The following ACTN1 variants were observed in gnomAD, a reference collection of about 807,000 sequenced individuals.
ACTN1 encodes actinin alpha 1, also known as alpha-actinin-1.
ACTN1 carries 30 observed loss-of-function variants against 119.6 expected under a neutral mutation model. That is an observed-to-expected ratio of 0.25 (90% confidence interval 0.19 to 0.34). The LOEUF (loss-of-function observed/expected upper bound fraction) is 0.34. ACTN1 is among the 10% of genes least tolerant of loss of function. The pLI, the probability that ACTN1 is intolerant of heterozygous loss-of-function variation, is 1.00. For missense variants in ACTN1, 764 were observed against 1,223.4 expected (o/e 0.62, Z 5.60); for synonymous variants, 429 against 472.6 (o/e 0.91, Z 1.20).
At chr14:68,928,489 C>A (rs1050911181) in intron 1 of ACTN1, among the ~76,000 whole-genome samples, 1 of 152,040 alleles carries the variant, frequency 6.6e-6, no homozygotes. Context: ...TGGCTGTGAC[C>A]CGGTGATCAA....
intron 9 of ACTN1, among the ~76,000 whole-genome samples, 159 bp downstream of exon 9, chr14:68,893,496 G>C (rs563382428): frequency 6.6e-6 from 1 of 152,286 alleles, no homozygotes; most frequent in East Asian, 1.9e-4. Flanking sequence ...ACTACTTTCT[G>C]GGAGAGCCAC....
chr14:68,905,595 A>G (rs1022258995), intron 6 of ACTN1, among the ~76,000 whole-genome samples: 1 of 152,238 alleles, frequency 6.6e-6, no homozygotes, highest in African/African-American at 2.4e-5. Flanking sequence ...GTGGTGATAC[A>G]TACAATGGAA....
chr14:68,881,867 C>T (rs2031541217), intron 16 of ACTN1, among the ~76,000 whole-genome samples: 1 of 150,908 alleles, frequency 6.6e-6, no homozygotes, highest in Non-Finnish European at 1.5e-5. Flanking sequence ...CAACAAGAGA[C>T]ATCAAGGGGA....
At chr14:68,930,589 A>T (rs2035179863) in intron 1 of ACTN1, among the ~76,000 whole-genome samples, 1 of 152,134 alleles carries the variant, frequency 6.6e-6, no homozygotes, top group African/African-American at 2.4e-5. Context: ...CACTCGGATC[A>T]CTCTGCAGAA....
intron 1 of ACTN1, chr14:68,973,808 T>G (rs2036972935): frequency 6.6e-6 from 1 of 152,082 alleles, no homozygotes; most frequent in Non-Finnish European, 1.5e-5. Flanking sequence ...CTAAATTGAA[T>G]CCTGAGTCCT....
chr14:68,974,101 G>A (rs1042494718), intron 1 of ACTN1: 3 of 152,766 alleles, frequency 2.0e-5, no homozygotes, highest in Admixed American at 2.0e-4. Context: ...TCCATACCAA[G>A]TCCAGGAAAA....
intron 1 of ACTN1, among the ~76,000 whole-genome samples, chr14:68,932,513 CTTTTTTTTT>C (rs753725900): frequency 1.1e-5 from 1 of 87,302 alleles, no homozygotes; most frequent in Non-Finnish European, 2.1e-5. Context: ...ATACACCCAG[CTTTTTTTTT>C]TTTTTTTTTT....
chr14:68,901,556 A>AT (rs1043239297), intron 8 of ACTN1, among the ~76,000 whole-genome samples: 4 of 152,096 alleles, frequency 2.6e-5, no homozygotes, highest in Non-Finnish European at 4.4e-5. Flanking sequence ...CTCATCATGC[A>AT]TTTTAAAACG....
intron 11 of ACTN1, among the ~76,000 whole-genome samples, chr14:68,889,829 G>A (rs946517283): frequency 6.6e-6 from 1 of 152,004 alleles, no homozygotes; most frequent in Non-Finnish European, 1.5e-5. Context: ...AACACTCGGG[G>A]TAGAGGATTT....
In ACTN1 at chr14:68,878,325, TG is replaced by T; in HGVS notation, c.2427+132del. 7.6e-7 allele frequency: 1 copy of T among 1,319,736 alleles called. No individual in the cohort carries two copies. Among genetic ancestry groups the T allele is most frequent in the Non-Finnish European group, 1.0e-6 (1 of 991,316 alleles). 81.8% of individuals were successfully genotyped at this position (1,319,736 alleles called of 1,614,324 possible). A position where few individuals can be genotyped will look rare whatever the true frequency, so the allele number is the denominator to read the frequency against. ...CAGGGAGCCATCTTCCCCAAGGACA[TG>T]GGCCCTGGGGCTCCTCCAGGGAGGG... On this transcript the variant is annotated intron_variant, in intron 20 of 21. Transcript: ENST00000394419. This position sits in a 1 kb window ranked among gnomAD's most constrained non-coding sequence, Gnocchi z 4.4.
At position 68,888,103 on chromosome 14, in the gene ACTN1, G is replaced by A. The variant is rs578001203; in HGVS notation, c.1234+2036C>T. On this transcript the variant is annotated intron_variant, in intron 11 of 21. Coordinates refer to ENST00000394419, the MANE Select transcript of ACTN1 (RefSeq NM_001130004.2). ...TGGGCATCCTGGCGGCAGGGAGGGC[G>A]CGTGCCAGGTGTCTGCGGGCCGCGG... 7.4e-4 allele frequency: 484 copies of A among 654,794 alleles called. 9 individuals are homozygous for A. Among genetic ancestry groups the A allele is most frequent in the South Asian group, 6.9e-3 (452 of 65,684 alleles). 40.6% of individuals were successfully genotyped at this position (654,794 alleles called of 1,614,324 possible).
intron 3 of ACTN1, 105 bp downstream of exon 3, chr14:68,920,901 G>T: frequency 2.0e-6 from 3 of 1,467,562 alleles, no homozygotes; most frequent in Non-Finnish European, 2.8e-6. Context: ...ACTGCCCAAT[G>T]CCCCCAAGTG....
intron 8 of ACTN1, among the ~76,000 whole-genome samples, chr14:68,901,130 G>A (rs999298632): frequency 2.0e-5 from 3 of 151,572 alleles, no homozygotes; most frequent in East Asian, 3.9e-4. Flanking sequence ...GAGGTGAGCA[G>A]AGTCTGAGGC....
rs1002058242 is a variant in ACTN1, at chr14:68,909,533, A to G, written c.516-137T>C. 2.7e-5 allele frequency: 20 copies of G among 754,348 alleles called. No homozygotes were observed. The highest frequency in any genetic ancestry group is 4.5e-5 in the Non-Finnish European group (20 of 449,408). The allele number at this position is 754,348 out of a possible 1,614,324, so 46.7% of individuals were successfully genotyped here. On this transcript the variant is annotated intron_variant, in intron 5 of 21. Transcript: ENST00000394419. This position sits in a 1 kb window ranked among gnomAD's most constrained non-coding sequence, Gnocchi z 4.1. ...TCTGGGGTAGGAGTTAGAAGACAGG[A>G]TGGGAAGGGACATTTCTTCCTGCCA... is the stretch of plus-strand genomic sequence containing the variant.
chr14:68,885,352 C>T lies in ACTN1; in HGVS notation c.1385+73G>A, dbSNP rs181467. On this transcript the variant is annotated intron_variant, in intron 12 of 21. Transcript: ENST00000394419. This position sits in a 1 kb window ranked among gnomAD's most constrained non-coding sequence, Gnocchi z 5.6. ...TCCCCATCTTCCACGGCCACACCCC[C>T]ACCTCCCCCAGCAGCTGAGAAAGCC... 1.7e-3 allele frequency: 2,609 copies of T among 1,523,108 alleles called. 33 individuals are homozygous for T. In the African/African-American group the frequency reaches 0.031, roughly 18 times the overall value. The allele number at this position is 1,523,108 out of a possible 1,614,324, so 94.3% of individuals were successfully genotyped here.
At chr14:68,958,795 G>C (rs570582472) in intron 1 of ACTN1, among the ~76,000 whole-genome samples, 32 of 152,306 alleles carry the variant, frequency 2.1e-4, no homozygotes, top group African/African-American at 7.2e-4. Context: ...AGCTGGTAAG[G>C]GGGACTTGCC....
intron 1 of ACTN1, among the ~76,000 whole-genome samples, chr14:68,958,045 G>A (rs551212294): frequency 2.2e-4 from 34 of 152,284 alleles, no homozygotes; most frequent in African/African-American, 7.2e-4. Context: ...ACACCGAAGC[G>A]CATCAGCCCG....
In ACTN1 at chr14:68,882,801, A is replaced by C; in HGVS notation, c.1818+72T>G. 6.4e-7 allele frequency: 1 copy of C among 1,567,414 alleles called. No homozygotes were observed. The highest frequency in any genetic ancestry group is 2.3e-5 in the East Asian group (1 of 44,272). The stretch of plus-strand genomic sequence containing the variant: ...ACAATTTTAAATGAAATTGACAAAA[A>C]TCAATTAAAATGGACAAAAATCCCT... On this transcript the variant is annotated intron_variant, in intron 15 of 21. Transcript: ENST00000394419. The surrounding 1 kb of genome is among the most constrained non-coding windows in gnomAD (Gnocchi z 4.5).
rs778164971 is a variant in ACTN1 at position 68,885,671 on chromosome 14, G to A, written c.1235-96C>T. 281 of 1,414,072 alleles carry A rather than the reference G, an allele frequency of 2.0e-4. 1 individual carries two copies. The highest frequency in any genetic ancestry group is 2.6e-4 in the Non-Finnish European group (267 of 1,046,440). 87.6% of individuals were successfully genotyped at this position (1,414,072 alleles called of 1,614,324 possible). A position where few individuals can be genotyped will look rare whatever the true frequency, so the allele number is the denominator to read the frequency against. ...TCAGGGCCCCAGGAGCTCCACTTCT[G>A]GGGGTGCTTCTCAAGGAGGTGCCCA... On this transcript the variant is annotated intron_variant, in intron 11 of 21. Transcript: ENST00000394419. The surrounding 1 kb of genome is among the most constrained non-coding windows in gnomAD (Gnocchi z 5.6).
Sources: allele counts gnomAD v4.1 joint callset (sites outside exome capture counted in the v4.1 genomes callset), GRCh38; gene constraint gnomAD v4.1.1; non-coding constraint Gnocchi (gnomAD v3.1); transcripts MANE v1.5; gene names NCBI Gene and HGNC (gene_info 2026-07-23, HGNC 2026-07-21).